FGD5: variants seen among roughly 807,000 people sequenced by gnomAD.
The protein encoded by FGD5 is FYVE, RhoGEF and PH domain-containing protein 5.
FGD5 carries 28 observed loss-of-function variants against 133.4 expected under a neutral mutation model. That is an observed-to-expected ratio of 0.21 (90% CI 0.16 to 0.29). FGD5 has a LOEUF of 0.29. Ranked by LOEUF, FGD5 falls within the 10% of genes least tolerant of loss-of-function variation. The pLI is 1.00. For synonymous variants in FGD5, 810 were observed against 776.5 expected (o/e 1.04, Z -0.72); for missense variants, 1,858 against 1,895.2 (o/e 0.98, Z 0.36).
chr3:14,932,821 A>G (rs2038922007), intron 19 of FGD5, 90 bp downstream of exon 19: 1 of 1,454,190 alleles, frequency 6.9e-7, no homozygotes, highest in South Asian at 1.3e-5. Context: ...GTTCTGCTCC[A>G]TTCATCCTAT....
chr3:14,911,109 C>G (rs1396092787), intron 11 of FGD5, among the ~76,000 whole-genome samples, 180 bp downstream of exon 11: 1 of 152,182 alleles, frequency 6.6e-6, no homozygotes, highest in Non-Finnish European at 1.5e-5. Flanking sequence ...GCCCACCACT[C>G]ATTTGTTATT....
At chr3:14,836,834 C>T (rs1373860671) in intron 1 of FGD5, among the ~76,000 whole-genome samples, 5 of 152,198 alleles carry the variant, frequency 3.3e-5, no homozygotes, top group East Asian at 3.9e-4. Context: ...GGAGCAGCCA[C>T]GTGCTTTGAA....
upstream of FGD5, among the ~76,000 whole-genome samples, chr3:14,818,763 A>G (rs1197939059): frequency 6.6e-6 from 1 of 152,156 alleles, no homozygotes; most frequent in Non-Finnish European, 1.5e-5. Context: ...TACAGAATGA[A>G]TCTTTAGTGG....
At chr3:14,899,231 G>A (rs969140577) in intron 7 of FGD5, among the ~76,000 whole-genome samples, 1 of 151,966 alleles carries the variant, frequency 6.6e-6, no homozygotes, top group African/African-American at 2.4e-5. Flanking sequence ...CCTTTCCTCC[G>A]CGGGTTTCTG....
intron 1 of FGD5, among the ~76,000 whole-genome samples, chr3:14,843,027 A>G (rs2036954793): frequency 6.6e-6 from 1 of 152,230 alleles, no homozygotes; most frequent in African/African-American, 2.4e-5. Flanking sequence ...ATATTTATCA[A>G]ATGAAGCCTT....
chr3:14,910,863 G>A lies in FGD5; in HGVS notation c.3339G>A (p.Glu1113=). The A allele has an allele frequency of 6.2e-7, 1 of 1,613,156 alleles. No individual in the cohort carries two copies. ...AAGTTCTGCTTCTCTCCCCACAGGA[G>A]TTTCTGAAGGAAGGGACGCTGATGA... The part of the protein sequence containing the change: ...GQGDLLQPGR[E]FLKEGTLMKV... Residue 1113 remains glutamate, a splice_region_variant and synonymous_variant, in exon 11 of 20, where the codon GAG becomes GAA. Transcript: ENST00000285046.
chr3:14,851,353 A>AC (rs2037160014), intron 1 of FGD5, among the ~76,000 whole-genome samples: 1 of 152,316 alleles, frequency 6.6e-6, no homozygotes. Context: ...TAAGCAACTT[A>AC]CCCAAGGTCA....
At chr3:14,824,906 C>T (rs1411166814) in intron 1 of FGD5, among the ~76,000 whole-genome samples, 1 of 152,164 alleles carries the variant, frequency 6.6e-6, no homozygotes, top group African/African-American at 2.4e-5. Context: ...GAGCTGGAAG[C>T]CTGATCTCTT....
At chr3:14,909,247 C>A (rs1039320025) in intron 10 of FGD5, among the ~76,000 whole-genome samples, 1 of 152,124 alleles carries the variant, frequency 6.6e-6, no homozygotes, top group Non-Finnish European at 1.5e-5. Context: ...GGATTACAGG[C>A]GTGAGCCACT....
chr3:14,904,178 C>T (rs1440387602), intron 9 of FGD5, among the ~76,000 whole-genome samples: 1 of 152,214 alleles, frequency 6.6e-6, no homozygotes, highest in African/African-American at 2.4e-5. Context: ...CTCTGTCTCA[C>T]CCCTGCCTTT....
rs1467683426 is a variant in FGD5 at position 14,917,287 on chromosome 3, T to A, written c.3444T>A (p.Asp1148Glu). Reference sequence around the variant, plus strand: ...TCCTGTACACCTATCCCCAGAAGGATGGGAAGTACCGGCTGAAGAACACAT... The same window carrying A: ...TCCTGTACACCTATCCCCAGAAGGAAGGGAAGTACCGGCTGAAGAACACAT... ...DVLLYTYPQK[D>E]GKYRLKNTLA... Residue 1148 changes from aspartate (D) to glutamate (E), a missense_variant, in exon 12 of 20, where the codon GAT becomes GAA. Coordinates refer to ENST00000285046, the MANE Select transcript of FGD5 (RefSeq NM_152536.4). The surrounding 1 kb of genome is among the most constrained non-coding windows in gnomAD (Gnocchi z 4.1). The A allele has an allele frequency of 2.5e-6, 4 of 1,613,676 alleles. No homozygotes were observed. In the South Asian group the frequency reaches 4.4e-5, roughly 18 times the overall value.
chr3:14,908,945 TATTTATTCATTC>T (rs1306929589), intron 10 of FGD5, among the ~76,000 whole-genome samples: 1 of 143,344 alleles, frequency 7.0e-6, no homozygotes. Context: ...TTTATTTATT[TATTTATTCATTC>T]ATTCATTCAT....
chr3:14,819,958 C>T lies in FGD5; in HGVS notation c.887C>T (p.Pro296Leu), dbSNP rs2036449613. The change falls in exon 1 of 20, where the codon CCA (proline) becomes CTA (leucine). Residue 296 changes from proline to leucine, a missense_variant. Coordinates refer to ENST00000285046, the MANE Select transcript of FGD5 (RefSeq NM_152536.4). This position sits in a 1 kb window ranked among gnomAD's most constrained non-coding sequence, Gnocchi z 4.1. ...GGGGAACAGGTTGACCTCAGTGAAC[C>T]ACCTGACCACGAGAAGAAAACCAAC... ...TGGEQVDLSEPPDHEKKTNQE... is the reference protein window; with the variant it reads ...TGGEQVDLSELPDHEKKTNQE... 1 of 1,613,904 alleles carries T rather than the reference C, an allele frequency of 6.2e-7. No individual in the cohort carries two copies. The highest frequency in any genetic ancestry group is 8.5e-7 in the Non-Finnish European group (1 of 1,179,864).
At chr3:14,840,865 TCTTG>T (rs1052688162) in intron 1 of FGD5, among the ~76,000 whole-genome samples, 5 of 152,228 alleles carry the variant, frequency 3.3e-5, no homozygotes. Context: ...GCACAAGATC[TCTTG>T]CTTATTTTAT....
intron 18 of FGD5, among the ~76,000 whole-genome samples, chr3:14,928,582 T>C (rs561768354): frequency 2.0e-5 from 3 of 152,012 alleles, no homozygotes; most frequent in Admixed American, 2.0e-4. Flanking sequence ...TCGTCTCTAC[T>C]AAAAATACAA....
At chr3:14,811,050 C>CG (rs75492428) in intron 1 of FGD5, among the ~76,000 whole-genome samples, 15,354 of 152,036 alleles carry the variant, frequency 0.1, 1,134 homozygotes, top group East Asian at 0.41. Flanking sequence ...GGCTGAGAAC[C>CG]GGGGGTCCCC....
chr3:14,912,483 G>C (rs2038468017), intron 11 of FGD5, among the ~76,000 whole-genome samples: 1 of 152,182 alleles, frequency 6.6e-6, no homozygotes, highest in African/African-American at 2.4e-5. Flanking sequence ...TTTAGATTTG[G>C]GTTCTCAGAA....
Position 14,819,100 on chromosome 3 carries a change from C to G in FGD5, c.29C>G (p.Ala10Gly). The change falls in exon 1 of 20, where the codon GCC (alanine) becomes GGC (glycine). Residue 10 changes from alanine (A) to glycine (G), a missense_variant. Physicochemically the swap from Ala to Gly is moderately conservative, Grantham distance 60. Transcript: ENST00000285046. This position sits in a 1 kb window ranked among gnomAD's most constrained non-coding sequence, Gnocchi z 4.1. MFRGPKPPI[A>G]PKPRLTAPNE... ...TTCAGGGGTCCGAAGCCCCCCATTG[C>G]CCCCAAGCCCAGGCTGACTGCCCCA... 1 of 1,549,916 alleles carries G rather than the reference C, an allele frequency of 6.5e-7. No homozygotes were observed. Among genetic ancestry groups the G allele is most frequent in the South Asian group, 1.2e-5 (1 of 83,938 alleles).
At position 14,921,943 on chromosome 3, in the gene FGD5, T is replaced by C; in HGVS notation, c.3595T>C (p.Tyr1199His). ...ASSCAERDEWYGCLSRALPED... is the reference protein window; with the variant it reads ...ASSCAERDEWHGCLSRALPED... Reference sequence around the variant, plus strand: ...CTCCTGTGCAGAGAGGGACGAGTGGTATGGCTGTCTGAGCAGAGCCCTCCC... The same window carrying C: ...CTCCTGTGCAGAGAGGGACGAGTGGCATGGCTGTCTGAGCAGAGCCCTCCC... Residue 1199 changes from tyrosine (Y) to histidine (H), a missense_variant, in exon 14 of 20, where the codon TAT becomes CAT. Coordinates refer to ENST00000285046, the MANE Select transcript of FGD5 (RefSeq NM_152536.4). 1 of 1,570,938 alleles carries C rather than the reference T, an allele frequency of 6.4e-7. No individual in the cohort carries two copies. The highest frequency in any genetic ancestry group is 8.6e-7 in the Non-Finnish European group (1 of 1,158,062).
Sources: gnomAD v4.1 joint callset for allele counts (sites outside exome capture counted in the v4.1 genomes callset) on GRCh38, gnomAD v4.1.1 for gene constraint, Gnocchi (gnomAD v3.1) non-coding constraint, MANE v1.5 for transcripts, NCBI Gene and HGNC (gene_info 2026-07-23, HGNC 2026-07-21) for gene names.